The following UBE2E1 variants were observed in gnomAD, a reference collection of about 807,000 sequenced individuals.
The protein encoded by UBE2E1 is ubiquitin-conjugating enzyme E2 E1.
UBE2E1 carries 6 observed loss-of-function variants against 21.4 expected under a neutral mutation model. The ratio of observed to expected loss-of-function variants is 0.28; its 90% confidence interval spans 0.15 to 0.55. The LOEUF (loss-of-function observed/expected upper bound fraction) is 0.55. Ranked by LOEUF, UBE2E1 falls within the 20% of genes least tolerant of loss-of-function variation. The pLI, the probability that UBE2E1 is intolerant of heterozygous loss-of-function variation, is 0.93. For missense variants in UBE2E1, 142 were observed against 236.5 expected, an observed-to-expected ratio of 0.60 and a Z score of 2.62; for synonymous variants, 87 against 82.7, an observed-to-expected ratio of 1.05 and a Z score of -0.28.
intron 3 of UBE2E1, among the ~76,000 whole-genome samples, chr3:23,880,167 G>A (rs939180689): frequency 1.3e-5 from 2 of 152,208 alleles, no homozygotes; most frequent in African/African-American, 4.8e-5. Context: ...CGGATCACCT[G>A]AGGTCAGGAT....
chr3:23,833,124 C>T (rs1342449171), intron 3 of UBE2E1, among the ~76,000 whole-genome samples: 4 of 152,152 alleles, frequency 2.6e-5, no homozygotes, highest in Non-Finnish European at 5.9e-5. Context: ...CAATTTTTGT[C>T]CCTTTTCTCC....
chr3:23,811,410 C>T, intron 2 of UBE2E1, 50 bp from the exon 3 acceptor site: 1 of 1,598,848 alleles, frequency 6.3e-7, no homozygotes, highest in Non-Finnish European at 8.6e-7. Flanking sequence ...TGGGAGGCTT[C>T]CGCGCCTTAA....
At chr3:23,833,285 A>G (rs1699907124) in intron 3 of UBE2E1, among the ~76,000 whole-genome samples, 1 of 152,190 alleles carries the variant, frequency 6.6e-6, no homozygotes, top group Admixed American at 6.5e-5. Context: ...AATGATTGGT[A>G]TATGGTATGT....
At chr3:23,845,561 T>TTCTCTCTCTCTCTC (rs144798695) in intron 3 of UBE2E1, among the ~76,000 whole-genome samples, 6 of 136,912 alleles carry the variant, frequency 4.4e-5, no homozygotes, top group Non-Finnish European at 7.8e-5. Context: ...CTGTTTTGGT[T>TTCTCTCTCTCTCTC]TCTCTCTCTC....
chr3:23,826,250 TG>T (rs1470757018), intron 3 of UBE2E1, among the ~76,000 whole-genome samples: 1 of 152,208 alleles, frequency 6.6e-6, no homozygotes, highest in Non-Finnish European at 1.5e-5. Flanking sequence ...CAAAAATTGG[TG>T]CCTCAACCAG....
intron 3 of UBE2E1, among the ~76,000 whole-genome samples, chr3:23,886,090 AC>A (rs1297303193): frequency 1.3e-5 from 2 of 152,060 alleles, no homozygotes; most frequent in Non-Finnish European, 2.9e-5. Flanking sequence ...AGTCTCGGCT[AC>A]TCAGGTGGCT....
chr3:23,888,160 A>G, intron 4 of UBE2E1: 1 of 454,732 alleles, frequency 2.2e-6, no homozygotes. Flanking sequence ...AAACAACTAG[A>G]GAATCAGAAT....
chr3:23,848,429 C>T (rs868667637), intron 3 of UBE2E1, among the ~76,000 whole-genome samples: 1 of 151,754 alleles, frequency 6.6e-6, no homozygotes, highest in African/African-American at 2.4e-5. Context: ...GAGATCGTGC[C>T]CCTGCACTCC....
At position 23,810,579 on chromosome 3, in the gene UBE2E1, G is replaced by C. The variant is rs1699365402; in HGVS notation, c.153-881G>C. On this transcript the variant is annotated intron_variant, in intron 2 of 5. Coordinates refer to ENST00000306627, the MANE Select transcript of UBE2E1 (RefSeq NM_003341.5). The surrounding 1 kb of genome is among the most constrained non-coding windows in gnomAD (Gnocchi z 5.8). ...CGGCCAGCGTGCGGGGCGGAGGCAG[G>C]GTCCGGTGCACCTGTGCGGCCGCGG... 4.0e-6 allele frequency: 6 copies of C among 1,501,556 alleles called. No homozygotes were observed. The highest frequency in any genetic ancestry group is 2.0e-5 in the Admixed American group (1 of 48,984). 93.0% of individuals were successfully genotyped at this position (1,501,556 alleles called of 1,614,324 possible).
In UBE2E1 at chr3:23,842,532, G is replaced by A. The variant is rs1700118676; in HGVS notation, c.203+31022G>A. ...TTTGCTATAAATATCACTAAACTTT[G>A]TCATCCTAAGTGAGATAATAAGGCA... On this transcript the variant is annotated intron_variant, in intron 3 of 5. Coordinates refer to ENST00000306627, the MANE Select transcript of UBE2E1 (RefSeq NM_003341.5). The surrounding 1 kb of genome is among the most constrained non-coding windows in gnomAD (Gnocchi z 4.6). Among the ~76,000 whole-genome samples, 1 of 151,788 alleles carries A rather than the reference G, an allele frequency of 6.6e-6. No individual in the cohort carries two copies. The highest frequency in any genetic ancestry group is 1.5e-5 in the Non-Finnish European group (1 of 67,998).
At chr3:23,888,752 T>C (rs1421855504) in intron 4 of UBE2E1, among the ~76,000 whole-genome samples, 1 of 152,242 alleles carries the variant, frequency 6.6e-6, no homozygotes, top group African/African-American at 2.4e-5. Flanking sequence ...AAGAGGTATT[T>C]ATGATTCTCA....
intron 3 of UBE2E1, among the ~76,000 whole-genome samples, chr3:23,831,958 C>T (rs769772082): frequency 9.9e-5 from 15 of 152,146 alleles, no homozygotes; most frequent in African/African-American, 2.2e-4. Flanking sequence ...CCTCCGCCTC[C>T]GCCTCCCAAA....
chr3:23,888,165 C>T lies in UBE2E1; in HGVS notation c.336+466C>T, dbSNP rs527825087. On this transcript the variant is annotated intron_variant, in intron 4 of 5. Coordinates refer to ENST00000306627, the MANE Select transcript of UBE2E1 (RefSeq NM_003341.5). ...TCAGGGGGCCAAACAACTAGAGAAT[C>T]AGAATCTCTTCCCAAAGCTTTGGAT... is the stretch of plus-strand genomic sequence containing the variant. 1.1e-5 allele frequency: 5 copies of T among 455,064 alleles called. No homozygotes were observed. The East Asian group carries it at 3.5e-4, about 32-fold the overall frequency. The allele number at this position is 455,064 out of a possible 1,614,324, so 28.2% of individuals were successfully genotyped here.
chr3:23,860,803 A>G (rs942592517), intron 3 of UBE2E1, among the ~76,000 whole-genome samples: 5 of 152,262 alleles, frequency 3.3e-5, no homozygotes, highest in Admixed American at 1.3e-4. Context: ...AATAGCATGT[A>G]CACTATATTT....
At chr3:23,880,165 C>T (rs1701006289) in intron 3 of UBE2E1, among the ~76,000 whole-genome samples, 1 of 151,810 alleles carries the variant, frequency 6.6e-6, no homozygotes. Flanking sequence ...GGCGGATCAC[C>T]TGAGGTCAGG....
At position 23,889,111 on chromosome 3, in the gene UBE2E1, G is replaced by T; in HGVS notation, c.337-1G>T. ...TATTGTCTGTCACTTGTTTTTTTTA[G>T]GTTACATTTCGGACAAGAATCTATC... On this transcript the variant is annotated splice_acceptor_variant, in intron 4 of 5. Transcript: ENST00000306627. LOFTEE classifies it high-confidence loss of function. 3.2e-6 allele frequency: 5 copies of T among 1,580,946 alleles called. No individual in the cohort carries two copies. The highest frequency in any genetic ancestry group is 1.9e-5 in the Admixed American group (1 of 52,870).
rs1553637998 is a variant in UBE2E1 at position 23,845,589 on chromosome 3, C to CTCTCTCTCTCTCTCTCTG, written c.203+34080_203+34081insCTCTCTCTCTCTCTCTGT. On this transcript the variant is annotated intron_variant, in intron 3 of 5. Transcript: ENST00000306627. ...TCTCTCTCTCTCTCTCTCTCTCTCT[C>CTCTCTCTCTCTCTCTCTG]TGTGTGTGTGTGTGTGTGTGTGTGT... Among the ~76,000 whole-genome samples the CTCTCTCTCTCTCTCTCTG allele has an allele frequency of 9.1e-5, 11 of 121,358 alleles. No homozygotes were observed. In the South Asian group the frequency reaches 1.3e-3, roughly 14 times the overall value. 79.6% of individuals were successfully genotyped at this position (121,358 alleles called of 152,430 possible).
At chr3:23,822,553 G>A (rs773698480) in intron 3 of UBE2E1, among the ~76,000 whole-genome samples, 4 of 151,888 alleles carry the variant, frequency 2.6e-5, no homozygotes, top group African/African-American at 4.8e-5. Context: ...TTAGGTTAAC[G>A]TTGTACCATG....
chr3:23,863,021 A>G lies in UBE2E1; in HGVS notation c.204-24546A>G, dbSNP rs1444923425. Among the ~76,000 whole-genome samples, 1 of 150,946 alleles carries G rather than the reference A, an allele frequency of 6.6e-6. No individual in the cohort carries two copies. Among genetic ancestry groups the G allele is most frequent in the East Asian group, 1.9e-4 (1 of 5,164 alleles). On this transcript the variant is annotated intron_variant, in intron 3 of 5. Transcript: ENST00000306627. This position sits in a 1 kb window ranked among gnomAD's most constrained non-coding sequence, Gnocchi z 4.3. The stretch of plus-strand genomic sequence containing the variant: ...ATTTTTATTGAAATTATACACTAAC[A>G]TAGTTTAAAGGCTTTAATATTTCTT...
Sources: allele counts gnomAD v4.1 joint callset (sites outside exome capture counted in the v4.1 genomes callset), GRCh38; gene constraint gnomAD v4.1.1; non-coding constraint Gnocchi (gnomAD v3.1); transcripts MANE v1.5; gene names NCBI Gene and HGNC (gene_info 2026-07-23, HGNC 2026-07-21).